MIOS: variants seen among roughly 807,000 people sequenced by gnomAD.
MIOS encodes the protein GATOR2 complex protein MIOS.
A neutral mutation model predicts 96.9 loss-of-function variants in MIOS; 52 were observed. That is an observed-to-expected ratio of 0.54 (90% CI 0.43 to 0.68). MIOS has a LOEUF of 0.68. Ranked by LOEUF, MIOS falls within the 30% of genes least tolerant of loss-of-function variation. The pLI is 0.00. For synonymous variants in MIOS, 397 were observed against 359.5 expected (o/e 1.10, Z -1.18); for missense variants, 1,005 against 1,052.8 (o/e 0.95, Z 0.63).
Position 7,589,573 on chromosome 7 carries a change from G to A in MIOS, c.2043+10G>A. On this transcript the variant is annotated intron_variant, in intron 9 of 12. Transcript: ENST00000340080. Reference sequence around the variant, plus strand: ...TTACTGTATGTTACAGGTCAGTGCAGTTTGACAGCAGCTTTTAAAAAAGTA... The same window carrying A: ...TTACTGTATGTTACAGGTCAGTGCAATTTGACAGCAGCTTTTAAAAAAGTA... The A allele has an allele frequency of 6.4e-7, 1 of 1,565,694 alleles. No individual in the cohort carries two copies. Among genetic ancestry groups the A allele is most frequent in the Middle Eastern group, 1.7e-4 (1 of 5,858 alleles).
At chr7:7,602,463 T>C (rs2115498397) in intron 11 of MIOS, among the ~76,000 whole-genome samples, 1 of 152,140 alleles carries the variant, frequency 6.6e-6, no homozygotes, top group South Asian at 2.1e-4. Flanking sequence ...ATGAGTGAAC[T>C]CCCATTCACA....
chr7:7,595,823 A>T (rs1045383488), intron 10 of MIOS, among the ~76,000 whole-genome samples: 1 of 152,328 alleles, frequency 6.6e-6, no homozygotes, highest in East Asian at 1.9e-4. Context: ...TTATTCTAAA[A>T]ATTTAACTAT....
In MIOS at chr7:7,573,577, T is replaced by C. The variant is rs1427448537; in HGVS notation, c.1102T>C (p.Trp368Arg). 3 of 1,614,104 alleles carry C rather than the reference T, an allele frequency of 1.9e-6. No individual in the cohort carries two copies. The highest frequency in any genetic ancestry group is 1.7e-5 in the Admixed American group (1 of 60,024). ...LAWSPITSLM[W>R]ACGRHLYECT... ...CTGGAGCCCAATTACATCTTTAATG[T>C]GGGCTTGTGGTCGTCATTTATATGA... is the stretch of plus-strand genomic sequence containing the variant. The change falls in exon 4 of 13, where the codon TGG becomes CGG. Residue 368 changes from tryptophan (W) to arginine (R), a missense_variant. Coordinates refer to ENST00000340080, the MANE Select transcript of MIOS (RefSeq NM_019005.4). This position sits in a 1 kb window ranked among gnomAD's most constrained non-coding sequence, Gnocchi z 5.0.
intron 7 of MIOS, among the ~76,000 whole-genome samples, chr7:7,586,760 A>G (rs1391569288): frequency 6.6e-6 from 1 of 152,142 alleles, no homozygotes; most frequent in African/African-American, 2.4e-5. Flanking sequence ...TAATACGTAT[A>G]ATGTTAGGAC....
intron 9 of MIOS, among the ~76,000 whole-genome samples, chr7:7,590,763 G>T (rs542089219): frequency 6.6e-5 from 10 of 151,954 alleles, no homozygotes; most frequent in African/African-American, 2.4e-4. Context: ...CTAACAATAT[G>T]CATCCCTCAA....
chr7:7,574,284 G>T, intron 5 of MIOS, 88 bp downstream of exon 5: 1 of 915,004 alleles, frequency 1.1e-6, no homozygotes, highest in Non-Finnish European at 1.6e-6. Context: ...AAATTATCTA[G>T]TTATTTCAGG....
intron 3 of MIOS, among the ~76,000 whole-genome samples, chr7:7,571,631 G>T (rs532710334): frequency 5.9e-5 from 9 of 152,308 alleles, no homozygotes; most frequent in African/African-American, 1.9e-4. Flanking sequence ...ACTGAAGTTT[G>T]GGAAATACTA....
At chr7:7,582,519 T>C (rs1431041678) in intron 5 of MIOS, 2 of 387,722 alleles carry the variant, frequency 5.2e-6, no homozygotes, top group Non-Finnish European at 7.0e-6. Context: ...TTTTCTGATT[T>C]AGTAAGGGGA....
In MIOS at chr7:7,595,158, C is replaced by A. The variant is rs1208090146; in HGVS notation, c.2196+26C>A. 1.9e-6 allele frequency: 3 copies of A among 1,587,262 alleles called. No individual in the cohort carries two copies. In the South Asian group the frequency reaches 3.5e-5, roughly 18 times the overall value. ...GTAAGTACATTGTTTTGGAGAAAAT[C>A]AAATTGTAACATGTTGATGTTCAAT... On this transcript the variant is annotated intron_variant, in intron 10 of 12. Transcript: ENST00000340080.
At chr7:7,586,155 CGTGTGTGTGTGTGTGT>C (rs10527974) in intron 7 of MIOS, among the ~76,000 whole-genome samples, 86,941 of 149,894 alleles carry the variant, frequency 0.58, 26,843 homozygotes, top group East Asian at 0.92. Flanking sequence ...CACACATGCA[CGTGTGTGTGTGTGTGT>C]GTGTGTGTGT....
chr7:7,601,195 A>G (rs556337231), intron 11 of MIOS, among the ~76,000 whole-genome samples: 1 of 152,248 alleles, frequency 6.6e-6, no homozygotes, highest in African/African-American at 2.4e-5. Context: ...AAAGCTAGCA[A>G]AAGGCAAGAA....
intron 9 of MIOS, 132 bp from the exon 10 acceptor site, chr7:7,594,848 G>C (rs1430942485): frequency 7.5e-6 from 4 of 530,858 alleles, no homozygotes; most frequent in South Asian, 4.6e-5. Flanking sequence ...TTCTCATTAG[G>C]AGCCAGCTTT....
Position 7,585,639 on chromosome 7 carries a change from A to G in MIOS, c.1652A>G (p.Asp551Gly). ...GCTGGCTGTTTTTAATATGCAGGAG[A>G]TCTGAATCTCAATGTGGTAGCAATG... Reference protein sequence around the residue: ...LNEGASSEKGDLNLNVVAMAL... With the variant: ...LNEGASSEKGGLNLNVVAMAL... The change falls in exon 7 of 13, where the codon GAT becomes GGT. Residue 551 changes from aspartate (D) to glycine (G), a missense_variant. Around this residue, in one of 3 missense-constraint regions of MIOS, gnomAD observed 865 missense variants for 887.9 expected, o/e 0.97. Transcript: ENST00000340080. The G allele has an allele frequency of 6.3e-7, 1 of 1,582,834 alleles. No individual in the cohort carries two copies. Among genetic ancestry groups the G allele is most frequent in the Non-Finnish European group, 8.6e-7 (1 of 1,165,668 alleles).
Position 7,572,194 on chromosome 7 carries a change from A to G in MIOS, c.-40-242A>G, listed in dbSNP as rs1783378147. On this transcript the variant is annotated intron_variant, in intron 3 of 12. Transcript: ENST00000340080. This position sits in a 1 kb window ranked among gnomAD's most constrained non-coding sequence, Gnocchi z 4.8. ...GCAATTAAGATAATTGATCATGGGAAATATAGCCAGGATGGGATTCTCAGA... is the reference window on the plus strand; with the variant it reads ...GCAATTAAGATAATTGATCATGGGAGATATAGCCAGGATGGGATTCTCAGA... Among the ~76,000 whole-genome samples the G allele has an allele frequency of 6.6e-6, 1 of 152,230 alleles. No homozygotes were observed. The highest frequency in any genetic ancestry group is 1.5e-5 in the Non-Finnish European group (1 of 68,040).
At chr7:7,576,899 TA>T in intron 5 of MIOS, among the ~76,000 whole-genome samples, 1 of 152,242 alleles carries the variant, frequency 6.6e-6, no homozygotes, top group Non-Finnish European at 1.5e-5. Context: ...AAGTCAAAGG[TA>T]GCACACATAT....
chr7:7,606,877 A>C (rs1226299057), intron 12 of MIOS, 119 bp from the exon 13 acceptor site: 2 of 769,708 alleles, frequency 2.6e-6, no homozygotes, highest in Non-Finnish European at 4.2e-6. Flanking sequence ...CTTGAGCCCA[A>C]AAGTGTGCGT....
rs575102809 is a variant in MIOS, at chr7:7,570,486, G to A, written c.-40-1950G>A. Among the ~76,000 whole-genome samples the A allele has an allele frequency of 1.8e-3, 268 of 152,092 alleles. 3 individuals are homozygous for A. The highest frequency in any genetic ancestry group is 6.1e-3 in the African/African-American group (254 of 41,450). ...CTCACGGATGAGGGGTGGGGGTGTG[G>A]TTTCAGGATGATTCAAGCGCATTAC... On this transcript the variant is annotated intron_variant, in intron 3 of 12. Transcript: ENST00000340080.
At chr7:7,575,760 G>A (rs867846680) in intron 5 of MIOS, among the ~76,000 whole-genome samples, 4 of 152,076 alleles carry the variant, frequency 2.6e-5, no homozygotes, top group Non-Finnish European at 5.9e-5. Context: ...TGTTTCTGGT[G>A]CACTAGAGAC....
intron 11 of MIOS, among the ~76,000 whole-genome samples, chr7:7,597,194 C>T (rs985306850): frequency 6.6e-6 from 1 of 151,704 alleles, no homozygotes; most frequent in African/African-American, 2.4e-5. Flanking sequence ...GGCGTGGTGG[C>T]ACACACCTGT....
Sources: allele counts gnomAD v4.1 joint callset (sites outside exome capture counted in the v4.1 genomes callset), GRCh38; gene constraint gnomAD v4.1.1; regional missense constraint gnomAD v4.1.1; non-coding constraint Gnocchi (gnomAD v3.1); transcripts MANE v1.5; gene names NCBI Gene and HGNC (gene_info 2026-07-23, HGNC 2026-07-21).